CDIN1: variants seen among roughly 807,000 people sequenced by gnomAD.
CDIN1 encodes the protein CDAN1 interacting nuclease 1.
CDIN1 carries 33 observed loss-of-function variants against 45.3 expected under a neutral mutation model. That is an observed-to-expected ratio of 0.73 (90% confidence interval 0.55 to 0.97). The LOEUF (loss-of-function observed/expected upper bound fraction) is 0.97, where lower values mean the gene tolerates loss of function less well. CDIN1 is among the 50% of genes least tolerant of loss of function. The pLI is 0.00. For missense variants in CDIN1, 303 were observed against 339.4 expected (o/e 0.89, Z 0.84); for synonymous variants, 118 against 124.4 (o/e 0.95, Z 0.34).
chr15:36,789,081 A>G (rs1187737887), intron 10 of CDIN1, among the ~76,000 whole-genome samples: 4 of 152,246 alleles, frequency 2.6e-5, no homozygotes, highest in East Asian at 1.9e-4. Context: ...AAAAAATCTC[A>G]TAATGTTTTA....
At chr15:36,585,355 A>G (rs2140163201) in intron 1 of CDIN1, among the ~76,000 whole-genome samples, 1 of 152,314 alleles carries the variant, frequency 6.6e-6, no homozygotes, top group Non-Finnish European at 1.5e-5. Flanking sequence ...CTAGGATCAC[A>G]CGTTGGATTT....
At chr15:36,764,721 G>A (rs1056854744) in intron 10 of CDIN1, among the ~76,000 whole-genome samples, 2 of 152,166 alleles carry the variant, frequency 1.3e-5, no homozygotes, top group Admixed American at 6.5e-5. Flanking sequence ...ACTTAGGTAT[G>A]TAGTCACCTA....
chr15:36,641,625 A>G (rs1352621591), intron 1 of CDIN1: 2 of 152,286 alleles, frequency 1.3e-5, no homozygotes, highest in Admixed American at 6.5e-5. Context: ...TTAAAACCCC[A>G]TATATGCTAA....
chr15:36,673,250 G>A (rs997492603), intron 5 of CDIN1, among the ~76,000 whole-genome samples: 1 of 152,098 alleles, frequency 6.6e-6, no homozygotes. Context: ...TGTCCTACAA[G>A]TAGTCAATTC....
chr15:36,743,509 C>T (rs985648451), intron 10 of CDIN1, among the ~76,000 whole-genome samples: 1 of 152,242 alleles, frequency 6.6e-6, no homozygotes, highest in Non-Finnish European at 1.5e-5. Flanking sequence ...GTGGATGCTG[C>T]AGTCAGGGTC....
At chr15:36,619,728 ACTTTTT>A (rs2039077372) in intron 1 of CDIN1, among the ~76,000 whole-genome samples, 1 of 152,088 alleles carries the variant, frequency 6.6e-6, no homozygotes, top group Non-Finnish European at 1.5e-5. Flanking sequence ...ATTAGAAATT[ACTTTTT>A]AAAATCTATT....
intron 5 of CDIN1, among the ~76,000 whole-genome samples, chr15:36,685,801 A>T (rs1293608614): frequency 6.6e-6 from 1 of 152,268 alleles, no homozygotes; most frequent in Non-Finnish European, 1.5e-5. Context: ...CAACAGACAC[A>T]TGAAAAAATG....
intron 1 of CDIN1, among the ~76,000 whole-genome samples, chr15:36,604,286 T>TA (rs1225045535): frequency 6.8e-6 from 1 of 148,052 alleles, no homozygotes. Context: ...TTTTTTTTTT[T>TA]ATAATTAATT....
intron 10 of CDIN1, among the ~76,000 whole-genome samples, chr15:36,795,483 C>T: frequency 6.6e-6 from 1 of 152,110 alleles, no homozygotes; most frequent in East Asian, 1.9e-4. Context: ...AGTGAAACTT[C>T]ATTGCCCTGA....
At chr15:36,616,287 A>ATT (rs71309428) in intron 1 of CDIN1, among the ~76,000 whole-genome samples, 46 of 143,770 alleles carry the variant, frequency 3.2e-4, no homozygotes, top group Middle Eastern at 3.6e-3. Context: ...TTTTTCTTTC[A>ATT]TTTTTTTTTT....
chr15:36,593,008 A>C (rs1412618410), intron 1 of CDIN1, among the ~76,000 whole-genome samples: 1 of 152,168 alleles, frequency 6.6e-6, no homozygotes, highest in African/African-American at 2.4e-5. Context: ...CTAATTGGTA[A>C]GTTTCTTCAG....
At chr15:36,726,172 A>G (rs1373763332) in intron 10 of CDIN1, among the ~76,000 whole-genome samples, 1 of 152,116 alleles carries the variant, frequency 6.6e-6, no homozygotes, top group African/African-American at 2.4e-5. Context: ...CACCTGTTTT[A>G]CTCATATCAC....
chr15:36,636,762 ATGT>A (rs2039915853), intron 1 of CDIN1, among the ~76,000 whole-genome samples: 1 of 152,190 alleles, frequency 6.6e-6, no homozygotes, highest in African/African-American at 2.4e-5. Context: ...CCTTTCAATA[ATGT>A]TGTAGTGTTT....
chr15:36,604,152 G>T (rs553874800), intron 1 of CDIN1, among the ~76,000 whole-genome samples: 25 of 152,026 alleles, frequency 1.6e-4, no homozygotes, highest in Non-Finnish European at 3.2e-4. Flanking sequence ...TCAATGCTTG[G>T]TTCCACCCTG....
At chr15:36,735,425 TATC>T (rs963369267) in intron 10 of CDIN1, among the ~76,000 whole-genome samples, 4 of 152,126 alleles carry the variant, frequency 2.6e-5, no homozygotes, top group Non-Finnish European at 4.4e-5. Flanking sequence ...ATTTCCCTAT[TATC>T]ATTCTATCAT....
At chr15:36,613,718 G>T in intron 1 of CDIN1, 1 of 1,549,746 alleles carries the variant, frequency 6.5e-7, no homozygotes. Context: ...AGCGGAAAAA[G>T]CTGCTGATGA....
intron 10 of CDIN1, among the ~76,000 whole-genome samples, chr15:36,758,472 G>A (rs567901572): frequency 7.9e-5 from 12 of 152,168 alleles, no homozygotes; most frequent in Non-Finnish European, 1.6e-4. Flanking sequence ...GGAAAGGCAA[G>A]CTGATTAAAT....
chr15:36,784,991 G>A (rs1395516796), intron 10 of CDIN1, among the ~76,000 whole-genome samples: 1 of 152,166 alleles, frequency 6.6e-6, no homozygotes. Flanking sequence ...TTTTGGCCAT[G>A]AGGAGATGGG....
chr15:36,650,402 T>TTTTA lies in CDIN1; in HGVS notation c.213-3645_213-3642dup, dbSNP rs138686194. On this transcript the variant is annotated intron_variant, in intron 3 of 10. Transcript: ENST00000566621. Reference sequence around the variant, plus strand: ...CAATAATTCAAAAGCTTGAGAAAATTTTTATTTATTTATTTATTTATTTAT... The same window carrying TTTTA: ...CAATAATTCAAAAGCTTGAGAAAATTTTTATTTATTTATTTATTTATTTATTTAT... 3.1e-3 allele frequency among the ~76,000 whole-genome samples: 444 copies of TTTTA among 142,746 alleles called. 5 individuals are homozygous for TTTTA. The highest frequency in any genetic ancestry group is 5.0e-3 in the East Asian group (24 of 4,836). The allele number at this position is 142,746 out of a possible 152,430, so 93.6% of individuals were successfully genotyped here.
Sources: allele counts gnomAD v4.1 joint callset (sites outside exome capture counted in the v4.1 genomes callset), GRCh38; gene constraint gnomAD v4.1.1; transcripts MANE v1.5; gene names NCBI Gene and HGNC (gene_info 2026-07-23, HGNC 2026-07-21).